PUDP: variants seen among roughly 807,000 people sequenced by gnomAD.
The protein encoded by PUDP is pseudouridine 5'-phosphatase.
PUDP carries 8 observed loss-of-function variants against 9.4 expected under a neutral mutation model. The ratio of observed to expected loss-of-function variants is 0.85; its 90% CI spans 0.50 to 1.53. The LOEUF is 1.53. Ranked by LOEUF, PUDP falls within the 40% of genes most tolerant of loss-of-function variation. The pLI, the probability that PUDP is intolerant of heterozygous loss-of-function variation, is 0.00. For missense variants in PUDP, 188 were observed against 189.7 expected, an observed-to-expected ratio of 0.99 and a Z score of 0.05; for synonymous variants, 99 against 80.7, an observed-to-expected ratio of 1.23 and a Z score of -1.22.
At chrX:6,853,910 T>C (rs1926866613) in intron 3 of PUDP, among the ~76,000 whole-genome samples, 1 of 110,986 alleles carries the variant, frequency 9.0e-6, no homozygotes, top group South Asian at 3.9e-4. Flanking sequence ...ACTACAGCCA[T>C]GCACCACCAC....
intron 1 of PUDP, among the ~76,000 whole-genome samples, chrX:7,124,414 C>T (rs186425870): frequency 0.068 from 7,555 of 111,164 alleles, 377 homozygotes; most frequent in African/African-American, 0.18. Context: ...TGGCTACAAA[C>T]GTCTGCACTA....
At chrX:6,720,639 G>A (rs1453196301) in intron 1 of PUDP, among the ~76,000 whole-genome samples, 1 of 99,408 alleles carries the variant, frequency 1.0e-5, no homozygotes, top group Non-Finnish European at 2.0e-5. Flanking sequence ...TAAGAGAGTG[G>A]ATCTCAAATA....
At chrX:6,906,132 TG>T (rs1316745193) in intron 3 of PUDP, among the ~76,000 whole-genome samples, 1 of 112,190 alleles carries the variant, frequency 8.9e-6, no homozygotes, top group Admixed American at 9.4e-5. Context: ...GCCATGGCTC[TG>T]GGGGGCAAGG....
rs185044759 is a variant in PUDP at position 6,710,728 on chromosome X, C to T, written n.129-4262G>A. Among the ~76,000 whole-genome samples, 53 of 112,313 alleles carry T rather than the reference C, an allele frequency of 4.7e-4. 3 individuals are homozygous for T. The East Asian group carries it at 0.01, about 22-fold the overall frequency. On this transcript the variant is annotated intron_variant and non_coding_transcript_variant, in intron 1 of 2. Transcript: ENST00000438499. ...AGAATAAAATCACCTTCTGCTCACT[C>T]GACCAAACAGTAGGAGCACATAACT... is the stretch of plus-strand genomic sequence containing the variant.
intron 1 of PUDP, among the ~76,000 whole-genome samples, chrX:7,138,964 G>A (rs780880844): frequency 9.0e-6 from 1 of 111,702 alleles, no homozygotes; most frequent in Non-Finnish European, 1.9e-5. Context: ...TCTCTTCTAT[G>A]CTTTAGTAAA....
At chrX:6,866,335 A>G (rs1475125744) in intron 3 of PUDP, among the ~76,000 whole-genome samples, 1 of 110,896 alleles carries the variant, frequency 9.0e-6, no homozygotes, top group Non-Finnish European at 1.9e-5. Context: ...AAAATTCATA[A>G]ATAGAAAAGT....
At chrX:6,919,756 G>A (rs1032392111) in intron 3 of PUDP, among the ~76,000 whole-genome samples, 2 of 104,357 alleles carry the variant, frequency 1.9e-5, no homozygotes, top group African/African-American at 3.5e-5. Context: ...GGGCGTGGGA[G>A]GCTGAGGCAG....
chrX:7,057,962 C>T, intron 3 of PUDP: 1 of 456,800 alleles, frequency 2.2e-6, no homozygotes. Flanking sequence ...CCCGGTGATG[C>T]TTCCACCTTT....
intron 1 of PUDP, among the ~76,000 whole-genome samples, chrX:6,721,077 T>C (rs1481604582): frequency 1.8e-5 from 2 of 112,370 alleles, no homozygotes; most frequent in South Asian, 3.7e-4. Context: ...TTTAATTTTA[T>C]TTTTGAAAGA....
intron 3 of PUDP, among the ~76,000 whole-genome samples, chrX:6,798,251 C>CTCCTGT (rs1352278031): frequency 9.0e-6 from 1 of 111,716 alleles, no homozygotes; most frequent in Non-Finnish European, 1.9e-5. Flanking sequence ...TGCAGGAAAA[C>CTCCTGT]TCCTGTTTGT....
At chrX:6,950,062 G>T (rs1281939799) in intron 3 of PUDP, among the ~76,000 whole-genome samples, 1 of 111,196 alleles carries the variant, frequency 9.0e-6, no homozygotes, top group Non-Finnish European at 1.9e-5. Context: ...GTCAGGCTGG[G>T]TGTGGCAGCT....
rs1461941737 is a variant in PUDP, at chrX:7,039,280, C to A, written c.204+37940G>T. ...ACAACAGATATTTTTAAAAGAAAGGCAGATTTGAAGCAACCATCAACAAGG... is the reference window on the plus strand; with the variant it reads ...ACAACAGATATTTTTAAAAGAAAGGAAGATTTGAAGCAACCATCAACAAGG... On this transcript the variant is annotated intron_variant and NMD_transcript_variant, in intron 1 of 3. Coordinates refer to the PUDP transcript ENST00000655425. Among the ~76,000 whole-genome samples the A allele has an allele frequency of 3.6e-5, 4 of 111,569 alleles. No homozygotes were observed. The East Asian group carries it at 1.1e-3, about 31-fold the overall frequency.
At chrX:6,993,528 G>A (rs1380780454) in intron 1 of PUDP, among the ~76,000 whole-genome samples, 1 of 111,385 alleles carries the variant, frequency 9.0e-6, no homozygotes. Flanking sequence ...GAAGTCCAGA[G>A]TCCTCTCAGA....
At chrX:6,845,518 A>C in intron 3 of PUDP, among the ~76,000 whole-genome samples, 1 of 112,010 alleles carries the variant, frequency 8.9e-6, no homozygotes, top group Non-Finnish European at 1.9e-5. Context: ...CAATGTTTCA[A>C]GTCCTTATAA....
intron 1 of PUDP, among the ~76,000 whole-genome samples, chrX:6,989,072 C>A (rs375888186): frequency 9.0e-6 from 1 of 111,503 alleles, no homozygotes; most frequent in African/African-American, 3.3e-5. Flanking sequence ...CCATCTCTCC[C>A]CCAAGACTGA....
chrX:7,089,086 C>T (rs1295585855), intron 2 of PUDP, among the ~76,000 whole-genome samples: 1 of 111,854 alleles, frequency 8.9e-6, no homozygotes, highest in Non-Finnish European at 1.9e-5. Context: ...CAGAGGACAA[C>T]ATTTCAGATG....
chrX:7,057,501 A>G (rs941592654), intron 3 of PUDP: 4 of 511,681 alleles, frequency 7.8e-6, no homozygotes, highest in Non-Finnish European at 1.2e-5. Flanking sequence ...ACTGAGAAGC[A>G]ATAGGGAACT....
At chrX:6,847,546 A>G (rs1480276597) in intron 3 of PUDP, among the ~76,000 whole-genome samples, 1 of 112,268 alleles carries the variant, frequency 8.9e-6, no homozygotes, top group African/African-American at 3.2e-5. Flanking sequence ...CAACCTTCAT[A>G]TATTATCAAC....
chrX:6,980,968 G>A (rs1929024595), intron 1 of PUDP, among the ~76,000 whole-genome samples: 1 of 111,144 alleles, frequency 9.0e-6, no homozygotes, highest in Non-Finnish European at 1.9e-5. Flanking sequence ...CCTTTGCATG[G>A]TGCTTTATTT....
Sources: gnomAD v4.1 joint callset for allele counts (sites outside exome capture counted in the v4.1 genomes callset) on GRCh38, gnomAD v4.1.1 for gene constraint, MANE v1.5 for transcripts, NCBI Gene and HGNC (gene_info 2026-07-23, HGNC 2026-07-21) for gene names.